The following SHLD2 variants were observed in gnomAD, a reference collection of about 807,000 sequenced individuals.
SHLD2 encodes shieldin complex subunit 2.
Under a neutral mutation model 73.2 loss-of-function variants are expected in SHLD2, and 30 were observed. That is an observed-to-expected ratio of 0.41 (90% CI 0.31 to 0.56). The LOEUF (loss-of-function observed/expected upper bound fraction) is 0.56. Ranked by LOEUF, SHLD2 falls within the 20% of genes least tolerant of loss-of-function variation. The pLI, the probability that SHLD2 is intolerant of heterozygous loss-of-function variation, is 0.28. For missense variants in SHLD2, 745 were observed against 1,055.9 expected, an observed-to-expected ratio of 0.71 and a Z score of 4.08; for synonymous variants, 285 against 370.1, an observed-to-expected ratio of 0.77 and a Z score of 2.64.
At chr10:87,163,187 G>C (rs577419289) in intron 4 of SHLD2, among the ~76,000 whole-genome samples, 17 of 152,098 alleles carry the variant, frequency 1.1e-4, no homozygotes, top group African/African-American at 3.6e-4. Flanking sequence ...AGGACATACT[G>C]TTATGTGAAA....
At chr10:87,106,233 G>T (rs1842586121) in intron 2 of SHLD2, among the ~76,000 whole-genome samples, 1 of 152,176 alleles carries the variant, frequency 6.6e-6, no homozygotes, top group South Asian at 2.1e-4. Flanking sequence ...TTGAACTCCT[G>T]ATCTCAGGTG....
chr10:87,126,208 A>G (rs1330265877), intron 2 of SHLD2, among the ~76,000 whole-genome samples: 2 of 152,070 alleles, frequency 1.3e-5, no homozygotes, highest in African/African-American at 4.8e-5. Flanking sequence ...CCTCCCAAGT[A>G]GTTGGGACTA....
chr10:87,094,727 C>T (rs866424073), upstream of SHLD2: 1 of 1,517,714 alleles, frequency 6.6e-7, no homozygotes, highest in African/African-American at 1.4e-5. The surrounding 1 kb of genome is among the most constrained non-coding windows in gnomAD (Gnocchi z 6.6). Flanking sequence ...GCAGCGGGCC[C>T]GGCCCGGGAC....
At chr10:87,162,089 A>G (rs1846859688) in intron 4 of SHLD2, among the ~76,000 whole-genome samples, 2 of 152,078 alleles carry the variant, frequency 1.3e-5, no homozygotes, top group South Asian at 4.2e-4. Context: ...TTGGACACAT[A>G]TCTCACAACA....
chr10:87,102,264 A>G (rs1773102236), intron 2 of SHLD2, among the ~76,000 whole-genome samples: 1 of 152,198 alleles, frequency 6.6e-6, no homozygotes, highest in Non-Finnish European at 1.5e-5. Context: ...CTATTTATGT[A>G]TAAGTTTCAA....
chr10:87,190,498 A>T lies in SHLD2; in HGVS notation c.2530A>T (p.Ile844Phe). Residue 844 changes from isoleucine to phenylalanine, a missense_variant, in exon 10 of 10, where the codon ATC becomes TTC. Transcript: ENST00000298786. ...GTCTTTTGCAGTTCCTTCCTCAGAG[A>T]TCACCTATGGGATGGTCGTGGCAGA... is the stretch of plus-strand genomic sequence containing the variant. ...LNRVIVPSSE[I>F]TYGMVVADLF... is the part of the protein sequence containing the mutation. 1 of 1,611,954 alleles carries T rather than the reference A, an allele frequency of 6.2e-7. No homozygotes were observed. The highest frequency in any genetic ancestry group is 8.5e-7 in the Non-Finnish European group (1 of 1,179,806).
At chr10:87,181,556 G>A (rs1589665403) in intron 8 of SHLD2, among the ~76,000 whole-genome samples, 2 of 151,988 alleles carry the variant, frequency 1.3e-5, no homozygotes, top group East Asian at 1.9e-4. Flanking sequence ...TTATGGGGAG[G>A]AGGGCCTTTG....
At chr10:87,121,829 A>G (rs1843649062) in intron 2 of SHLD2, among the ~76,000 whole-genome samples, 1 of 141,872 alleles carries the variant, frequency 7.0e-6, no homozygotes, top group African/African-American at 2.7e-5. Flanking sequence ...CAGTGGTGTG[A>G]TCTCGGCTCA....
At chr10:87,138,384 A>AC (rs1313691588) in intron 2 of SHLD2, among the ~76,000 whole-genome samples, 1 of 151,500 alleles carries the variant, frequency 6.6e-6, no homozygotes, top group Non-Finnish European at 1.5e-5. Flanking sequence ...AAAAAAAAAA[A>AC]AACAACCTGT....
chr10:87,129,420 C>T lies in SHLD2; in HGVS notation c.-5-21930C>T, dbSNP rs1019693874. 3.7e-4 allele frequency among the ~76,000 whole-genome samples: 57 copies of T among 152,198 alleles called. 1 individual carries two copies. The highest frequency in any genetic ancestry group is 1.1e-3 in the African/African-American group (47 of 41,522). On this transcript the variant is annotated intron_variant, in intron 2 of 9. Transcript: ENST00000298786. ...TCAGTGTTTTCAGTTAGGAAACTTA[C>T]ATTGTTTAGTTTTGGGACATTTTCT...
upstream of SHLD2, chr10:87,094,958 C>G (rs1841700354): frequency 7.7e-6 from 2 of 259,410 alleles, no homozygotes; most frequent in Non-Finnish European, 1.4e-5. The surrounding 1 kb of genome is among the most constrained non-coding windows in gnomAD (Gnocchi z 6.6). Flanking sequence ...GACAGGGCGC[C>G]GCCCAGGGCG....
chr10:87,115,975 A>G (rs1843234982), intron 2 of SHLD2, among the ~76,000 whole-genome samples: 1 of 152,198 alleles, frequency 6.6e-6, no homozygotes, highest in East Asian at 1.9e-4. Flanking sequence ...GTTCTTATCA[A>G]CAAAGTAGCT....
intron 2 of SHLD2, among the ~76,000 whole-genome samples, chr10:87,103,451 A>G (rs1263000770): frequency 1.3e-5 from 2 of 152,148 alleles, no homozygotes; most frequent in African/African-American, 2.4e-5. Flanking sequence ...CATCACAACA[A>G]TTTGGCTTAA....
chr10:87,134,551 C>A (rs964938287), intron 2 of SHLD2, among the ~76,000 whole-genome samples: 4 of 152,084 alleles, frequency 2.6e-5, no homozygotes, highest in Non-Finnish European at 4.4e-5. Flanking sequence ...CAGATGTTCA[C>A]TGAATGTTCA....
intron 3 of SHLD2, among the ~76,000 whole-genome samples, chr10:87,153,606 T>A (rs1242148723): frequency 2.0e-5 from 3 of 152,220 alleles, no homozygotes; most frequent in Non-Finnish European, 4.4e-5. Flanking sequence ...TCTGTTCTCC[T>A]TAAAATGTGT....
intron 2 of SHLD2, among the ~76,000 whole-genome samples, chr10:87,140,188 G>C (rs546435220): frequency 1.3e-5 from 2 of 152,110 alleles, no homozygotes; most frequent in African/African-American, 2.4e-5. Context: ...GGGGCCGAGA[G>C]GGGTGCAGAT....
chr10:87,162,775 T>C (rs1435427054), intron 4 of SHLD2, among the ~76,000 whole-genome samples: 1 of 152,168 alleles, frequency 6.6e-6, no homozygotes, highest in African/African-American at 2.4e-5. Flanking sequence ...TAAAACTACA[T>C]GGAGATACCA....
intron 6 of SHLD2, among the ~76,000 whole-genome samples, chr10:87,172,419 A>G (rs1378399605): frequency 6.6e-6 from 1 of 152,222 alleles, no homozygotes; most frequent in Non-Finnish European, 1.5e-5. Flanking sequence ...GCTTGAGCTT[A>G]TTTCAGTGGA....
chr10:87,125,313 A>T (rs1564586082), intron 2 of SHLD2, among the ~76,000 whole-genome samples: 2 of 151,564 alleles, frequency 1.3e-5, no homozygotes, highest in Non-Finnish European at 2.9e-5. Context: ...AAGGGATCAA[A>T]TTTTTTTTTA....
Sources: allele counts gnomAD v4.1 joint callset (sites outside exome capture counted in the v4.1 genomes callset), GRCh38; gene constraint gnomAD v4.1.1; non-coding constraint Gnocchi (gnomAD v3.1); transcripts MANE v1.5; gene names NCBI Gene and HGNC (gene_info 2026-07-23, HGNC 2026-07-21).